The following GRIP1 variants were observed in gnomAD, a reference collection of about 807,000 sequenced individuals.
GRIP1 encodes the protein glutamate receptor interacting protein 1.
Under a neutral mutation model 129.9 loss-of-function variants are expected in GRIP1, and 45 were observed. The observed-to-expected ratio is 0.35, with a 90% CI of 0.27 to 0.44. The LOEUF is 0.44. Ranked by LOEUF, GRIP1 falls within the 20% of genes least tolerant of loss-of-function variation. The probability of loss-of-function intolerance (pLI) is 1.00; values close to 1 mark genes in which losing one functional copy is unlikely to be tolerated. For missense variants in GRIP1, 1,196 were observed against 1,396.8 expected (o/e 0.86, Z 2.29); for synonymous variants, 530 against 520.8 (o/e 1.02, Z -0.24).
At chr12:66,865,315 T>C (rs1260838418) in intron 1 of GRIP1, among the ~76,000 whole-genome samples, 1 of 152,154 alleles carries the variant, frequency 6.6e-6, no homozygotes, top group African/African-American at 2.4e-5. Context: ...TGTGATGAAA[T>C]TCCTGATGTA....
intron 1 of GRIP1, among the ~76,000 whole-genome samples, chr12:66,640,316 T>C (rs954579011): frequency 4.6e-5 from 7 of 152,232 alleles, no homozygotes; most frequent in Non-Finnish European, 1.0e-4. Context: ...TTAGCACATA[T>C]TAGTTGCTGA....
chr12:66,665,186 T>C (rs988866879), intron 1 of GRIP1, among the ~76,000 whole-genome samples: 1 of 152,144 alleles, frequency 6.6e-6, no homozygotes, highest in East Asian at 1.9e-4. Context: ...TTTGTAATTT[T>C]GTGTAGAGAC....
chr12:66,811,149 A>C (rs1353763071), intron 1 of GRIP1, among the ~76,000 whole-genome samples: 3 of 152,382 alleles, frequency 2.0e-5, no homozygotes, highest in South Asian at 4.1e-4. Context: ...TAGGCTTCAA[A>C]GGGCTCAGAT....
intron 1 of GRIP1, among the ~76,000 whole-genome samples, chr12:66,754,166 A>C (rs900729450): frequency 1.3e-5 from 2 of 152,064 alleles, no homozygotes; most frequent in Non-Finnish European, 1.5e-5. Flanking sequence ...GAGTAGTTTT[A>C]TTTTTCCTTT....
In GRIP1 at chr12:66,844,335, G is replaced by A. The variant is rs922163524; in HGVS notation, c.58+224715C>T. Among the ~76,000 whole-genome samples the A allele has an allele frequency of 7.2e-5, 11 of 152,110 alleles. No homozygotes were observed. The East Asian group carries it at 1.2e-3, about 16-fold the overall frequency. On this transcript the variant is annotated intron_variant, in intron 1 of 1. Coordinates refer to the GRIP1 transcript ENST00000643019. ...ATATACAAATAGCCAATTAGCACAC[G>A]AAAATATGCTCAACATCACTACTTA...
chr12:66,587,613 A>T (rs1281047089), intron 2 of GRIP1, among the ~76,000 whole-genome samples: 1 of 152,226 alleles, frequency 6.6e-6, no homozygotes, highest in African/African-American at 2.4e-5. Flanking sequence ...TAACTGTTGG[A>T]TAATTACATG....
chr12:66,459,119 A>C (rs1339135379), intron 9 of GRIP1, among the ~76,000 whole-genome samples: 2 of 152,228 alleles, frequency 1.3e-5, no homozygotes, highest in African/African-American at 2.4e-5. Flanking sequence ...TTGCTCACTA[A>C]ATATATCCTA....
intron 1 of GRIP1, among the ~76,000 whole-genome samples, chr12:67,053,849 A>T (rs1326471655): frequency 3.3e-5 from 5 of 151,958 alleles, no homozygotes; most frequent in South Asian, 2.1e-4. Flanking sequence ...AAAAAAAAAA[A>T]ATAAATATAA....
chr12:66,597,567 T>C (rs1437592369), intron 1 of GRIP1, among the ~76,000 whole-genome samples: 3 of 152,108 alleles, frequency 2.0e-5, no homozygotes, highest in Non-Finnish European at 4.4e-5. Flanking sequence ...AGACATATAT[T>C]GCAATGAGCT....
intron 4 of GRIP1, among the ~76,000 whole-genome samples, chr12:66,538,722 C>A (rs1012117263): frequency 6.6e-6 from 1 of 151,932 alleles, no homozygotes; most frequent in Non-Finnish European, 1.5e-5. Flanking sequence ...CCCACTTTAA[C>A]CTCCTGAGTA....
chr12:66,817,665 G>A (rs1006635173), intron 1 of GRIP1, among the ~76,000 whole-genome samples: 13 of 151,856 alleles, frequency 8.6e-5, no homozygotes, highest in African/African-American at 2.7e-4. Flanking sequence ...CACCCACCTC[G>A]GCCTCCCAAA....
At chr12:66,778,209 A>G (rs1452714944) in intron 1 of GRIP1, among the ~76,000 whole-genome samples, 1 of 152,152 alleles carries the variant, frequency 6.6e-6, no homozygotes, top group Non-Finnish European at 1.5e-5. Flanking sequence ...TGCAGCTTGA[A>G]TTTGTGATTT....
intron 2 of GRIP1, among the ~76,000 whole-genome samples, chr12:66,591,905 G>A (rs1405192543): frequency 6.6e-6 from 1 of 152,098 alleles, no homozygotes; most frequent in Non-Finnish European, 1.5e-5. Context: ...GATTATAGGT[G>A]TAAGCCACTG....
intron 1 of GRIP1, among the ~76,000 whole-genome samples, chr12:66,973,937 T>TTTTTTA (rs71278229): frequency 6.7e-6 from 1 of 148,208 alleles, no homozygotes; most frequent in African/African-American, 2.5e-5. Flanking sequence ...TTTTTTTTTT[T>TTTTTTA]GAGTCAGAGT....
intron 11 of GRIP1, among the ~76,000 whole-genome samples, chr12:66,448,203 C>T (rs185683900): frequency 4.8e-4 from 73 of 151,590 alleles, no homozygotes; most frequent in African/African-American, 1.5e-3. Context: ...CAAAATTGAG[C>T]GAATCCTCTT....
intron 1 of GRIP1, among the ~76,000 whole-genome samples, chr12:66,729,916 T>C (rs181312388): frequency 1.3e-5 from 2 of 152,316 alleles, no homozygotes; most frequent in Admixed American, 1.3e-4. Flanking sequence ...AGACTCAAGC[T>C]TAATCACTGC....
intron 23 of GRIP1, among the ~76,000 whole-genome samples, chr12:66,370,530 T>C (rs2137279986): frequency 6.6e-6 from 1 of 152,268 alleles, no homozygotes; most frequent in South Asian, 2.1e-4. Context: ...AAAAAGCGAG[T>C]AGCTAGCCTA....
At chr12:66,885,356 C>A (rs2040548287) in intron 1 of GRIP1, among the ~76,000 whole-genome samples, 2 of 152,150 alleles carry the variant, frequency 1.3e-5, no homozygotes, top group African/African-American at 2.4e-5. Context: ...CATCCCATGG[C>A]CCCTTCAGAG....
intron 1 of GRIP1, among the ~76,000 whole-genome samples, chr12:66,856,399 G>C (rs1337163635): frequency 1.3e-5 from 2 of 152,122 alleles, no homozygotes; most frequent in Non-Finnish European, 1.5e-5. Context: ...AAGAGCTTCT[G>C]CACAGCAAAA....
Sources: gnomAD v4.1 joint callset for allele counts (sites outside exome capture counted in the v4.1 genomes callset) on GRCh38, gnomAD v4.1.1 for gene constraint, MANE v1.5 for transcripts, NCBI Gene and HGNC (gene_info 2026-07-23, HGNC 2026-07-21) for gene names.